The following AFF1 variants were observed in gnomAD, a reference collection of about 807,000 sequenced individuals.
AFF1 encodes AF4/FMR2 family member 1.
A neutral mutation model predicts 121.7 loss-of-function variants in AFF1; 48 were observed. That is an observed-to-expected ratio of 0.39 (90% CI 0.31 to 0.50). The LOEUF is 0.50. AFF1 is among the 20% of genes least tolerant of loss of function. The pLI, the probability that AFF1 is intolerant of heterozygous loss-of-function variation, is 0.76. For synonymous variants in AFF1, 613 were observed against 563.0 expected (o/e 1.09, Z -1.26); for missense variants, 1,523 against 1,511.7 (o/e 1.01, Z -0.12).
chr4:87,116,528 C>T lies in AFF1; in HGVS notation c.2466+1229C>T, dbSNP rs185310882. 1.6e-3 allele frequency among the ~76,000 whole-genome samples: 250 copies of T among 152,274 alleles called. 1 individual carries two copies. The highest frequency in any genetic ancestry group is 2.6e-3 in the Non-Finnish European group (178 of 68,022). ...AGTATGTGAAAAACTTCTTACTCAGCTGTGGAAGTTGAGCTAAGAATAACA... is the reference window on the plus strand; with the variant it reads ...AGTATGTGAAAAACTTCTTACTCAGTTGTGGAAGTTGAGCTAAGAATAACA... On this transcript the variant is annotated intron_variant, in intron 12 of 20. Coordinates refer to ENST00000395146, the MANE Select transcript of AFF1 (RefSeq NM_001166693.3).
intron 8 of AFF1, among the ~76,000 whole-genome samples, chr4:87,101,243 G>A (rs1489643391): frequency 6.6e-6 from 1 of 152,032 alleles, no homozygotes; most frequent in African/African-American, 2.4e-5. Context: ...CCTTATTTCT[G>A]GCATACATCA....
chr4:87,071,215 A>AG (rs1362640057), intron 4 of AFF1, among the ~76,000 whole-genome samples: 1 of 149,574 alleles, frequency 6.7e-6, no homozygotes, highest in African/African-American at 2.5e-5. Context: ...AGGTTAGTGT[A>AG]GGAAAAAAAA....
chr4:87,102,200 TTTG>T (rs1725497148), intron 8 of AFF1, among the ~76,000 whole-genome samples: 1 of 152,248 alleles, frequency 6.6e-6, no homozygotes, highest in African/African-American at 2.4e-5. Flanking sequence ...TTTGGCTTCT[TTTG>T]AACAGTGTCA....
At chr4:87,095,431 T>TA (rs1301805535) in intron 8 of AFF1, among the ~76,000 whole-genome samples, 1 of 152,220 alleles carries the variant, frequency 6.6e-6, no homozygotes, top group African/African-American at 2.4e-5. Context: ...ATATTTGGAT[T>TA]AAGTCCCCCT....
chr4:86,986,894 G>C (rs145472386), intron 2 of AFF1, among the ~76,000 whole-genome samples: 68 of 152,226 alleles, frequency 4.5e-4, no homozygotes, highest in African/African-American at 1.3e-3. Context: ...GAGGGTCTCT[G>C]TTGCCCAGGC....
intron 20 of AFF1, 64 bp downstream of exon 20, chr4:87,134,758 T>A (rs1729160877): frequency 7.5e-7 from 1 of 1,328,272 alleles, no homozygotes; most frequent in Admixed American, 2.0e-5. Flanking sequence ...TAAACATTGG[T>A]TTATATTTTA....
At chr4:87,023,589 GTAGA>G (rs773231146) in intron 2 of AFF1, among the ~76,000 whole-genome samples, 1 of 152,304 alleles carries the variant, frequency 6.6e-6, no homozygotes, top group Non-Finnish European at 1.5e-5. Context: ...TAAAAAAAGT[GTAGA>G]TAGTTTCCAG....
chr4:87,006,784 C>G (rs775915460), intron 2 of AFF1, among the ~76,000 whole-genome samples: 2 of 152,236 alleles, frequency 1.3e-5, no homozygotes, highest in Non-Finnish European at 2.9e-5. Context: ...TCTCGAGGAG[C>G]CCGCAGGCGG....
At position 87,138,747 on chromosome 4, in the gene AFF1, TAGG is replaced by T. The variant is rs1729496238; in HGVS notation, c.*3052_*3054del. On this transcript the variant is annotated 3_prime_UTR_variant, in exon 21 of 21. Transcript: ENST00000395146. ...GCATTTATCAGAAATAGAATCACAA[TAGG>T]AGGAGAATTTGACTGTCTGATATTA... is the stretch of plus-strand genomic sequence containing the variant. 3 of 230,586 alleles carry T rather than the reference TAGG, an allele frequency of 1.3e-5. No homozygotes were observed. Among genetic ancestry groups the T allele is most frequent in the South Asian group, 1.8e-4 (1 of 5,508 alleles). 14.3% of individuals were successfully genotyped at this position (230,586 alleles called of 1,614,324 possible).
intron 2 of AFF1, among the ~76,000 whole-genome samples, chr4:86,951,372 T>TCA (rs1721292236): frequency 5.5e-5 from 1 of 18,126 alleles, no homozygotes; most frequent in Non-Finnish European, 1.1e-4. Context: ...AGACTTGATG[T>TCA]CACAAAAAAA....
chr4:86,970,967 C>G (rs893205092), intron 2 of AFF1, among the ~76,000 whole-genome samples: 1 of 152,032 alleles, frequency 6.6e-6, no homozygotes, highest in African/African-American at 2.4e-5. Flanking sequence ...CCTTGTCGGC[C>G]GTTGGAAAGT....
In AFF1 at chr4:87,057,412, CTT is replaced by C. The variant is rs1482445492; in HGVS notation, c.1059+9820_1059+9821del. ...AGCTTGGGCTTATAATTCTGTAAGA[CTT>C]TGGGCAAGGAACCTAACCTTCCTGT... On this transcript the variant is annotated intron_variant, in intron 4 of 20. Coordinates refer to ENST00000395146, the MANE Select transcript of AFF1 (RefSeq NM_001166693.3). Among the ~76,000 whole-genome samples the C allele has an allele frequency of 8.5e-5, 13 of 152,332 alleles. No homozygotes were observed. The South Asian group carries it at 1.9e-3, about 22-fold the overall frequency.
At chr4:87,105,550 T>C in intron 8 of AFF1, 78 bp from the exon 9 acceptor site, 3 of 1,500,700 alleles carry the variant, frequency 2.0e-6, no homozygotes, top group Non-Finnish European at 2.8e-6. Flanking sequence ...TAATTAGGCA[T>C]ATTTTCTATT....
At chr4:87,098,938 G>T (rs780755621) in intron 8 of AFF1, among the ~76,000 whole-genome samples, 1 of 152,104 alleles carries the variant, frequency 6.6e-6, no homozygotes, top group African/African-American at 2.4e-5. Context: ...TCAAAACATT[G>T]TTGGCTTTTA....
chr4:87,015,472 A>T (rs373735498), intron 2 of AFF1, among the ~76,000 whole-genome samples: 4 of 152,226 alleles, frequency 2.6e-5, no homozygotes, highest in African/African-American at 7.2e-5. Context: ...TTGTCTGCTT[A>T]TCTTGTGACT....
rs573269714 is a variant in AFF1, at chr4:87,006,026, A to G, written c.39-40140A>G. Among the ~76,000 whole-genome samples, 20 of 152,358 alleles carry G rather than the reference A, an allele frequency of 1.3e-4. No individual in the cohort carries two copies. In the South Asian group the frequency reaches 4.1e-3, roughly 32 times the overall value. ...GGGGACTCCCAGGAATCTAGTAAAC[A>G]CACTTTGAGAACCCTTGATAGAGGT... On this transcript the variant is annotated intron_variant, in intron 2 of 20. Transcript: ENST00000395146.
At chr4:87,004,305 C>A (rs191204477) in intron 2 of AFF1, among the ~76,000 whole-genome samples, 6 of 152,002 alleles carry the variant, frequency 3.9e-5, no homozygotes, top group African/African-American at 1.5e-4. Flanking sequence ...TAAGTTTGCA[C>A]CTCAATTACT....
At chr4:87,057,357 G>T (rs1377378760) in intron 4 of AFF1, among the ~76,000 whole-genome samples, 2 of 152,180 alleles carry the variant, frequency 1.3e-5, no homozygotes, top group East Asian at 1.9e-4. Flanking sequence ...AAAAGGCGGA[G>T]AATTATTTTG....
intron 2 of AFF1, among the ~76,000 whole-genome samples, chr4:87,017,637 T>C (rs1409983500): frequency 6.6e-6 from 1 of 152,224 alleles, no homozygotes; most frequent in East Asian, 1.9e-4. Flanking sequence ...TATAAATTGT[T>C]ATTTCAATGT....
Sources: gnomAD v4.1 joint callset for allele counts (sites outside exome capture counted in the v4.1 genomes callset) on GRCh38, gnomAD v4.1.1 for gene constraint, MANE v1.5 for transcripts, NCBI Gene and HGNC (gene_info 2026-07-23, HGNC 2026-07-21) for gene names.